PCMTD2: variants seen among roughly 807,000 people sequenced by gnomAD.
The protein encoded by PCMTD2 is protein-L-isoaspartate O-methyltransferase domain-containing protein 2.
In PCMTD2, 16 loss-of-function variants were observed where a neutral mutation model predicts 33.4. The ratio of observed to expected loss-of-function variants is 0.48; its 90% CI spans 0.32 to 0.73. PCMTD2 has a LOEUF of 0.73. PCMTD2 is among the 30% of genes least tolerant of loss of function. The probability of loss-of-function intolerance (pLI) is 0.03; values close to 1 mark genes in which losing one functional copy is unlikely to be tolerated. For missense variants in PCMTD2, 374 were observed against 449.9 expected, an observed-to-expected ratio of 0.83 and a Z score of 1.53; for synonymous variants, 161 against 160.8, an observed-to-expected ratio of 1.00 and a Z score of -0.01.
In PCMTD2 at chr20:64,273,776, G is replaced by T; in HGVS notation, c.*176G>T. 1 of 488,328 alleles carries T rather than the reference G, an allele frequency of 2.0e-6. No individual in the cohort carries two copies. Among genetic ancestry groups the T allele is most frequent in the Non-Finnish European group, 3.6e-6 (1 of 281,580 alleles). 30.2% of individuals were successfully genotyped at this position (488,328 alleles called of 1,614,324 possible). On this transcript the variant is annotated 3_prime_UTR_variant, in exon 6 of 6. Coordinates refer to ENST00000308824, the MANE Select transcript of PCMTD2 (RefSeq NM_018257.3). ...TGATTGACCTCTAAAATTCTATTCAGTTGTATGATTTGTTTACATAGTTCC... is the reference window on the plus strand; with the variant it reads ...TGATTGACCTCTAAAATTCTATTCATTTGTATGATTTGTTTACATAGTTCC...
chr20:64,261,482 G>A (rs928621005), intron 2 of PCMTD2, among the ~76,000 whole-genome samples: 2 of 152,172 alleles, frequency 1.3e-5, no homozygotes, highest in Non-Finnish European at 2.9e-5. Context: ...AGCCGAGGTC[G>A]GAGGATCGCT....
intron 3 of PCMTD2, 62 bp from the exon 4 acceptor site, chr20:64,265,196 T>G: frequency 1.6e-6 from 2 of 1,246,280 alleles, no homozygotes; most frequent in East Asian, 2.4e-5. Flanking sequence ...TAGCATAGAT[T>G]TACTGTATAG....
At chr20:64,272,267 A>G (rs1331796485) in intron 5 of PCMTD2, 1 of 456,636 alleles carries the variant, frequency 2.2e-6, no homozygotes, top group Non-Finnish European at 4.4e-6. Context: ...AGCTCTCCCT[A>G]TAGTGCAGAC....
intron 4 of PCMTD2, among the ~76,000 whole-genome samples, chr20:64,266,385 G>C (rs1256271866): frequency 6.6e-6 from 1 of 152,172 alleles, no homozygotes; most frequent in African/African-American, 2.4e-5. Flanking sequence ...AGCCTCCTGA[G>C]TAGCTGGGAT....
At chr20:64,272,699 AATCC>A (rs1449220444) in intron 5 of PCMTD2, among the ~76,000 whole-genome samples, 1 of 152,200 alleles carries the variant, frequency 6.6e-6, no homozygotes, top group Admixed American at 6.5e-5. Flanking sequence ...GCATGCCTGT[AATCC>A]CAGCTACTGG....
intron 1 of PCMTD2, among the ~76,000 whole-genome samples, chr20:64,258,105 A>G (rs1056905472): frequency 6.6e-6 from 1 of 152,264 alleles, no homozygotes; most frequent in Admixed American, 6.5e-5. Context: ...TTGGAACATT[A>G]TATACAGGCT....
At chr20:64,260,391 T>A in intron 2 of PCMTD2, 119 bp downstream of exon 2, 1 of 680,338 alleles carries the variant, frequency 1.5e-6, no homozygotes, top group Non-Finnish European at 2.6e-6. Flanking sequence ...TTCCCAGTAG[T>A]TATCTGACAT....
In PCMTD2 at chr20:64,267,941, G is replaced by A. The variant is rs201727077; in HGVS notation, c.637G>A (p.Ala213Thr). ...AGCTTGGGAAACCAAAAAGATTCTTGCTGTTTCTTTTGCTCCTCTGATCCA... is the reference window on the plus strand; with the variant it reads ...AGCTTGGGAAACCAAAAAGATTCTTACTGTTTCTTTTGCTCCTCTGATCCA... Reference protein sequence around the residue: ...PSAWETKKILAVSFAPLIQPC... With the variant: ...PSAWETKKILTVSFAPLIQPC... Residue 213 changes from alanine to threonine, a missense_variant, in exon 5 of 6, where the codon GCT becomes ACT. Ala to Thr is a moderately conservative substitution (Grantham distance 58). Transcript: ENST00000308824. 89 of 1,613,012 alleles carry A rather than the reference G, an allele frequency of 5.5e-5. No individual in the cohort carries two copies. Among genetic ancestry groups the A allele is most frequent in the Non-Finnish European group, 3.4e-6 (4 of 1,179,150 alleles).
rs1411644662 is a variant in PCMTD2, at chr20:64,273,715, C to CT, written c.*116dup. ...GCAGACGTTGTGGGGAAGGGAACTG[C>CT]TGGGCTCATCCACACCATGGTTTTC... On this transcript the variant is annotated 3_prime_UTR_variant, in exon 6 of 6. Coordinates refer to ENST00000308824, the MANE Select transcript of PCMTD2 (RefSeq NM_018257.3). 1 of 802,460 alleles carries CT rather than the reference C, an allele frequency of 1.2e-6. No homozygotes were observed. The highest frequency in any genetic ancestry group is 2.8e-5 in the Admixed American group (1 of 35,266). 49.7% of individuals were successfully genotyped at this position (802,460 alleles called of 1,614,324 possible). A position where few individuals can be genotyped will look rare whatever the true frequency, so the allele number is the denominator to read the frequency against.
intron 3 of PCMTD2, among the ~76,000 whole-genome samples, chr20:64,264,736 A>G (rs1170410524): frequency 6.6e-6 from 1 of 152,230 alleles, no homozygotes; most frequent in Non-Finnish European, 1.5e-5. Flanking sequence ...TAAGGTGTTC[A>G]TTTGCTCAAT....
Position 64,274,508 on chromosome 20 carries a change from C to A in PCMTD2, c.*908C>A, listed in dbSNP as rs1042311972. The A allele has an allele frequency of 2.6e-5, 4 of 152,216 alleles. No individual in the cohort carries two copies. Among genetic ancestry groups the A allele is most frequent in the African/African-American group, 9.7e-5 (4 of 41,436 alleles). 9.4% of individuals were successfully genotyped at this position (152,216 alleles called of 1,614,324 possible). ...CTAAGGTGTTGACACCCTCCATCCTCAGAGCAGGTCGAAAATATTAAATAG... is the reference window on the plus strand; with the variant it reads ...CTAAGGTGTTGACACCCTCCATCCTAAGAGCAGGTCGAAAATATTAAATAG... On this transcript the variant is annotated 3_prime_UTR_variant, in exon 6 of 6. Coordinates refer to ENST00000308824, the MANE Select transcript of PCMTD2 (RefSeq NM_018257.3).
rs1325774522 is a variant in PCMTD2 at position 64,275,433 on chromosome 20, A to T, written c.*1833A>T. 4.6e-5 allele frequency: 7 copies of T among 152,172 alleles called. No individual in the cohort carries two copies. Among genetic ancestry groups the T allele is most frequent in the South Asian group, 2.1e-4 (1 of 4,834 alleles). The allele number at this position is 152,172 out of a possible 1,614,324, so 9.4% of individuals were successfully genotyped here. ...ATAATTGTATATGGACTGCATTTTTAAAAAAACCGCATTTGCCTTTATGCT... is the reference window on the plus strand; with the variant it reads ...ATAATTGTATATGGACTGCATTTTTTAAAAAACCGCATTTGCCTTTATGCT... On this transcript the variant is annotated 3_prime_UTR_variant, in exon 6 of 6. Coordinates refer to ENST00000308824, the MANE Select transcript of PCMTD2 (RefSeq NM_018257.3).
Position 64,270,254 on chromosome 20 carries a change from AGT to A in PCMTD2, c.706+2248_706+2249del, listed in dbSNP as rs530887311. On this transcript the variant is annotated intron_variant, in intron 5 of 5. Coordinates refer to ENST00000308824, the MANE Select transcript of PCMTD2 (RefSeq NM_018257.3). ...TGAGTGCACGGTGTGGGGTCGTGTG[AGT>A]GTGGGCACGTGTGATGTGGGGTCAT... Among the ~76,000 whole-genome samples, 33 of 114,310 alleles carry A rather than the reference AGT, an allele frequency of 2.9e-4. No individual in the cohort carries two copies. In the South Asian group the frequency reaches 7.8e-3, roughly 27 times the overall value. 75.0% of individuals were successfully genotyped at this position (114,310 alleles called of 152,430 possible).
chr20:64,260,706 GTTTTT>G (rs10585176), intron 2 of PCMTD2, among the ~76,000 whole-genome samples: 5 of 117,574 alleles, frequency 4.3e-5, no homozygotes, highest in Middle Eastern at 4.2e-3. Flanking sequence ...TGTTTTGTTG[GTTTTT>G]TTTTTTTTTT....
At chr20:64,259,890 T>C in intron 1 of PCMTD2, 52 bp from the exon 2 acceptor site, 1 of 869,614 alleles carries the variant, frequency 1.1e-6, no homozygotes, top group East Asian at 2.4e-5. Context: ...CTTCTATTGT[T>C]CTGCTCTTAC....
At chr20:64,265,033 T>C (rs765129573) in intron 3 of PCMTD2, among the ~76,000 whole-genome samples, 7 of 152,220 alleles carry the variant, frequency 4.6e-5, no homozygotes, top group Non-Finnish European at 8.8e-5. Flanking sequence ...ACTTTTGATA[T>C]TCACTTTCAT....
chr20:64,270,250 TGTGA>T (rs1460339930), intron 5 of PCMTD2, among the ~76,000 whole-genome samples: 13 of 142,698 alleles, frequency 9.1e-5, no homozygotes, highest in Admixed American at 9.0e-4. Context: ...TGTGGGGTCG[TGTGA>T]GTGTGGGCAC....
At chr20:64,270,329 T>G (rs1601747070) in intron 5 of PCMTD2, among the ~76,000 whole-genome samples, 4 of 107,420 alleles carry the variant, frequency 3.7e-5, no homozygotes, top group East Asian at 3.0e-4. Flanking sequence ...GCACAGTGGG[T>G]TGTGTGGACG....
chr20:64,259,939 T>C lies in PCMTD2; in HGVS notation c.-24-3T>C. ...CGCTCTTTTTAAACATTTTTAATTA[T>C]AGTATTGCCTAAGTGTAATCTTGAA... On this transcript the variant is annotated splice_region_variant and splice_polypyrimidine_tract_variant and intron_variant, in intron 1 of 5. Coordinates refer to ENST00000308824, the MANE Select transcript of PCMTD2 (RefSeq NM_018257.3). The C allele has an allele frequency of 1.4e-6, 2 of 1,472,474 alleles. No homozygotes were observed. The highest frequency in any genetic ancestry group is 1.9e-6 in the Non-Finnish European group (2 of 1,060,048). The allele number at this position is 1,472,474 out of a possible 1,614,324, so 91.2% of individuals were successfully genotyped here.
Sources: allele counts gnomAD v4.1 joint callset (sites outside exome capture counted in the v4.1 genomes callset), GRCh38; gene constraint gnomAD v4.1.1; transcripts MANE v1.5; gene names NCBI Gene and HGNC (gene_info 2026-07-23, HGNC 2026-07-21).